The following HDAC4 variants were observed in gnomAD, a reference collection of about 807,000 sequenced individuals.
HDAC4 encodes histone deacetylase A.
In HDAC4, 16 loss-of-function variants were observed where a neutral mutation model predicts 135.1. The ratio of observed to expected loss-of-function variants is 0.12; its 90% CI spans 0.08 to 0.18. HDAC4 has a LOEUF of 0.18. Ranked by LOEUF, HDAC4 falls within the 10% of genes least tolerant of loss-of-function variation. The pLI, the probability that HDAC4 is intolerant of heterozygous loss-of-function variation, is 1.00. For synonymous variants in HDAC4, 685 were observed against 653.4 expected, an observed-to-expected ratio of 1.05 and a Z score of -0.74; for missense variants, 1,143 against 1,511.8, an observed-to-expected ratio of 0.76 and a Z score of 4.05.
chr2:239,335,571 T>C (rs1428079389), intron 2 of HDAC4, among the ~76,000 whole-genome samples: 4 of 68,594 alleles, frequency 5.8e-5, no homozygotes, highest in African/African-American at 1.1e-4. Context: ...ACATAGAAAA[T>C]AGCAACAAAC....
chr2:239,084,324 G>A (rs1291361583), intron 19 of HDAC4, 82 bp from the exon 20 acceptor site: 1 of 941,770 alleles, frequency 1.1e-6, no homozygotes, highest in Non-Finnish European at 1.7e-6. Context: ...GAGCCACTCG[G>A]GGTCCACGCA....
intron 4 of HDAC4, among the ~76,000 whole-genome samples, chr2:239,184,018 G>GGA (rs2044322910): frequency 7.5e-6 from 1 of 132,908 alleles, no homozygotes; most frequent in Non-Finnish European, 1.5e-5. Context: ...CAAGTCACAT[G>GGA]GACACACACA....
chr2:239,340,449 A>G (rs1005172770), intron 2 of HDAC4, among the ~76,000 whole-genome samples: 2 of 152,222 alleles, frequency 1.3e-5, no homozygotes, highest in African/African-American at 4.8e-5. Flanking sequence ...CTGTTGGTGC[A>G]TCTCCTAAAG....
At position 239,068,746 on chromosome 2, in the gene HDAC4, G is replaced by C. The variant is rs939827166; in HGVS notation, c.2751-139C>G. 2 of 767,708 alleles carry C rather than the reference G, an allele frequency of 2.6e-6. No individual in the cohort carries two copies. Among genetic ancestry groups the C allele is most frequent in the African/African-American group, 3.4e-5 (2 of 58,980 alleles). 47.6% of individuals were successfully genotyped at this position (767,708 alleles called of 1,614,324 possible). ...ACTGGCGGGCTGAGGGCTCCACACA[G>C]CAGGCTGGAATCTGGCGACCACGCT... On this transcript the variant is annotated intron_variant, in intron 22 of 26. Transcript: ENST00000543185. The surrounding 1 kb of genome is among the most constrained non-coding windows in gnomAD (Gnocchi z 4.4).
At chr2:239,088,033 T>C (rs2036155169) in intron 18 of HDAC4, among the ~76,000 whole-genome samples, 1 of 152,160 alleles carries the variant, frequency 6.6e-6, no homozygotes, top group African/African-American at 2.4e-5. Context: ...CTCAAGGACT[T>C]GGCCGCGGGG....
At chr2:239,277,778 C>T (rs2050458710) in intron 2 of HDAC4, among the ~76,000 whole-genome samples, 4 of 152,220 alleles carry the variant, frequency 2.6e-5, no homozygotes, top group Admixed American at 6.5e-5. Context: ...CACCTGCGTT[C>T]CACAGCAACT....
intron 4 of HDAC4, among the ~76,000 whole-genome samples, chr2:239,184,838 GT>G (rs2044427592): frequency 8.5e-5 from 2 of 23,412 alleles, no homozygotes; most frequent in Non-Finnish European, 2.7e-4. Flanking sequence ...GTGTCCTATG[GT>G]GGGGGGTCCC....
chr2:239,358,380 T>A (rs1693649999), intron 1 of HDAC4, among the ~76,000 whole-genome samples: 1 of 152,262 alleles, frequency 6.6e-6, no homozygotes, highest in Non-Finnish European at 1.5e-5. Flanking sequence ...TAGGTTTTTC[T>A]GGCAAGCCTC....
intron 5 of HDAC4, 86 bp from the exon 6 acceptor site, chr2:239,164,009 G>A: frequency 4.6e-6 from 7 of 1,534,812 alleles, no homozygotes; most frequent in Non-Finnish European, 6.3e-6. Flanking sequence ...CAGAGGGAGG[G>A]AAGGGCTGGG....
At chr2:239,081,488 T>C (rs2035322241) in intron 21 of HDAC4, among the ~76,000 whole-genome samples, 1 of 152,232 alleles carries the variant, frequency 6.6e-6, no homozygotes, top group African/African-American at 2.4e-5. Flanking sequence ...CGCCGCCCTG[T>C]GTTGTGTGCC....
At position 239,111,465 on chromosome 2, in the gene HDAC4, C is replaced by T. The variant is rs370985451; in HGVS notation, c.1978+61G>A. The T allele has an allele frequency of 3.5e-5, 52 of 1,503,168 alleles. 1 individual carries two copies. The highest frequency in any genetic ancestry group is 4.9e-5 in the East Asian group (2 of 41,170). The allele number at this position is 1,503,168 out of a possible 1,614,324, so 93.1% of individuals were successfully genotyped here. A position where few individuals can be genotyped will look rare whatever the true frequency, so the allele number is the denominator to read the frequency against. The stretch of plus-strand genomic sequence containing the variant: ...GCAGAGCTGGGCCGGGAAGAGCCCC[C>T]CGCGCTGTGCCCACTGTGGCCCGCG... On this transcript the variant is annotated intron_variant, in intron 14 of 26. Transcript: ENST00000543185.
chr2:239,094,958 C>G (rs766023198), intron 17 of HDAC4, 52 bp downstream of exon 17: 1 of 1,613,194 alleles, frequency 6.2e-7, no homozygotes. Context: ...TCTGTGACCA[C>G]TGGGACTCGA....
intron 6 of HDAC4, among the ~76,000 whole-genome samples, chr2:239,159,152 C>T (rs2042615236): frequency 6.6e-6 from 1 of 151,344 alleles, no homozygotes; most frequent in South Asian, 2.1e-4. Flanking sequence ...CAACTACTCA[C>T]ACCTGCACCT....
intron 1 of HDAC4, among the ~76,000 whole-genome samples, chr2:239,371,716 G>A (rs536257149): frequency 6.6e-6 from 1 of 152,310 alleles, no homozygotes; most frequent in East Asian, 1.9e-4. Flanking sequence ...GCTCAGGCAT[G>A]GCCGCACAAG....
At chr2:239,061,564 T>C (rs555725559) in intron 24 of HDAC4, among the ~76,000 whole-genome samples, 1 of 151,942 alleles carries the variant, frequency 6.6e-6, no homozygotes, top group African/African-American at 2.4e-5. Context: ...TGCACGTGCA[T>C]GTGAGACTGT....
At chr2:239,063,927 A>G (rs2033141020) in intron 24 of HDAC4, among the ~76,000 whole-genome samples, 2 of 152,198 alleles carry the variant, frequency 1.3e-5, no homozygotes, top group African/African-American at 4.8e-5. Context: ...GCCGAGGCTC[A>G]GCGCTGCCGG....
intron 2 of HDAC4, among the ~76,000 whole-genome samples, chr2:239,287,156 C>T (rs1349287525): frequency 6.6e-6 from 1 of 152,186 alleles, no homozygotes; most frequent in Non-Finnish European, 1.5e-5. Context: ...GATCCATCAG[C>T]ATGAACTGCA....
In HDAC4 at chr2:239,349,026, C is replaced by T. The variant is rs567167444; in HGVS notation, c.22+3652G>A. On this transcript the variant is annotated intron_variant, in intron 2 of 26. Transcript: ENST00000543185. The surrounding 1 kb of genome is among the most constrained non-coding windows in gnomAD (Gnocchi z 5.7). ...CTTCATCAGCAGGGCAAAGCCAAGT[C>T]ACATGACAAATGTGAGAGGGGGCCC... Among the ~76,000 whole-genome samples, 3 of 152,332 alleles carry T rather than the reference C, an allele frequency of 2.0e-5. No homozygotes were observed. Among genetic ancestry groups the T allele is most frequent in the Non-Finnish European group, 4.4e-5 (3 of 68,028 alleles).
intron 2 of HDAC4, among the ~76,000 whole-genome samples, chr2:239,276,932 C>T (rs571445937): frequency 3.2e-4 from 48 of 152,268 alleles, no homozygotes; most frequent in African/African-American, 1.1e-3. Flanking sequence ...CCCCCTAACA[C>T]ACACCCCTCT....
Sources: allele counts gnomAD v4.1 joint callset (sites outside exome capture counted in the v4.1 genomes callset), GRCh38; gene constraint gnomAD v4.1.1; non-coding constraint Gnocchi (gnomAD v3.1); transcripts MANE v1.5; gene names NCBI Gene and HGNC (gene_info 2026-07-23, HGNC 2026-07-21).